The following TMEM260 variants were observed in gnomAD, a reference collection of about 807,000 sequenced individuals.
TMEM260 encodes the protein transmembrane protein 260, also known as protein O-mannosyl-transferase TMEM260.
Under a neutral mutation model 88.9 loss-of-function variants are expected in TMEM260, and 82 were observed. The observed-to-expected ratio is 0.92, with a 90% CI of 0.77 to 1.11. The LOEUF (loss-of-function observed/expected upper bound fraction) is 1.11, where lower values mean the gene tolerates loss of function less well. Among genes scored for constraint, TMEM260 ranks in the 50% least tolerant of loss-of-function variants. The pLI is 0.00. For synonymous variants in TMEM260, 314 were observed against 309.3 expected (o/e 1.02, Z -0.16); for missense variants, 902 against 853.4 (o/e 1.06, Z -0.71).
intron 15 of TMEM260, among the ~76,000 whole-genome samples, chr14:56,642,127 G>GGAATT (rs1191950515): frequency 4.6e-5 from 7 of 152,140 alleles, no homozygotes; most frequent in Admixed American, 3.3e-4. Flanking sequence ...AAGATATCCA[G>GGAATT]GAATTGAACT....
At chr14:56,585,334 TA>T (rs1473321339) in intron 2 of TMEM260, among the ~76,000 whole-genome samples, 1 of 152,132 alleles carries the variant, frequency 6.6e-6, no homozygotes, top group African/African-American at 2.4e-5. Context: ...TAATAAACTT[TA>T]TTATGGTGCA....
chr14:56,607,166 G>A (rs935225065), intron 5 of TMEM260, among the ~76,000 whole-genome samples: 1 of 152,180 alleles, frequency 6.6e-6, no homozygotes, highest in Non-Finnish European at 1.5e-5. Flanking sequence ...ACGAGAAAGA[G>A]GCCCAGATAT....
chr14:56,642,998 C>A (rs1311886115), intron 15 of TMEM260, among the ~76,000 whole-genome samples: 2 of 152,090 alleles, frequency 1.3e-5, no homozygotes, highest in East Asian at 3.9e-4. Flanking sequence ...CAATAACAGG[C>A]TCTGAAATTG....
At chr14:56,621,736 GATGATTTAAAAAC>G in intron 11 of TMEM260, 34 bp downstream of exon 11, 7 of 1,548,998 alleles carry the variant, frequency 4.5e-6, no homozygotes, top group Non-Finnish European at 5.2e-6. Context: ...AGAATATAGC[GATGATTTAAAAAC>G]ATATGTTTTG....
At chr14:56,661,072 A>C in the TMEM260 span, among the ~76,000 whole-genome samples, 6 of 152,368 alleles carry the variant, frequency 3.9e-5, 1 homozygote, top group Middle Eastern at 0.02. Context: ...ACAGACAACC[A>C]TGCTAAAGAA....
the TMEM260 span, among the ~76,000 whole-genome samples, chr14:56,656,735 A>G: frequency 6.6e-6 from 1 of 152,344 alleles, no homozygotes; most frequent in East Asian, 1.9e-4. Context: ...AAATAATTCA[A>G]ATAAATTACA....
At chr14:56,642,645 A>G (rs1594899261) in intron 15 of TMEM260, among the ~76,000 whole-genome samples, 2 of 152,346 alleles carry the variant, frequency 1.3e-5, no homozygotes, top group East Asian at 3.9e-4. Context: ...AGAAGGCAAG[A>G]AATAACTAAG....
intron 4 of TMEM260, among the ~76,000 whole-genome samples, chr14:56,605,329 A>C (rs1447478882): frequency 6.6e-6 from 1 of 152,204 alleles, no homozygotes; most frequent in Non-Finnish European, 1.5e-5. Flanking sequence ...ATTTTCTAAA[A>C]GTTGGTTTGA....
At chr14:56,594,953 A>G (rs1232262523) in intron 3 of TMEM260, among the ~76,000 whole-genome samples, 1 of 152,180 alleles carries the variant, frequency 6.6e-6, no homozygotes, top group Non-Finnish European at 1.5e-5. Flanking sequence ...AGTTATTCCC[A>G]AAAAGAGATT....
chr14:56,602,415 C>T (rs367934157), intron 3 of TMEM260, among the ~76,000 whole-genome samples: 5 of 152,028 alleles, frequency 3.3e-5, no homozygotes, highest in African/African-American at 1.2e-4. Context: ...GAGTGGGATC[C>T]AGTTTATTGG....
At chr14:56,612,322 T>C in intron 7 of TMEM260, 37 bp downstream of exon 7, 1 of 1,541,760 alleles carries the variant, frequency 6.5e-7, no homozygotes, top group Non-Finnish European at 9.0e-7. Context: ...TTAAAATGAA[T>C]TCTCTATTAG....
At chr14:56,639,777 T>TCCCACCCTAATACTGTGCTTTTC in intron 15 of TMEM260, among the ~76,000 whole-genome samples, 1 of 152,254 alleles carries the variant, frequency 6.6e-6, no homozygotes, top group East Asian at 1.9e-4. Context: ...ATCGGGTCAC[T>TCCCACCCTAATACTGTGCTTTTC]CCCACCCTAA....
At position 56,610,315 on chromosome 14, in the gene TMEM260, G is replaced by A. The variant is rs548495009; in HGVS notation, c.816+1030G>A. Among the ~76,000 whole-genome samples, 3 of 151,900 alleles carry A rather than the reference G, an allele frequency of 2.0e-5. No individual in the cohort carries two copies. The South Asian group carries it at 6.3e-4, about 32-fold the overall frequency. Reference sequence around the variant, plus strand: ...GAGTGCAGTGGCGCGATCTCAGCTCGCTGCAAGCTCCGCCTCCCGGGTTCA... The same window carrying A: ...GAGTGCAGTGGCGCGATCTCAGCTCACTGCAAGCTCCGCCTCCCGGGTTCA... On this transcript the variant is annotated intron_variant, in intron 6 of 15. Coordinates refer to ENST00000261556, the MANE Select transcript of TMEM260 (RefSeq NM_017799.4).
At chr14:56,588,894 A>G (rs1344191062) in intron 3 of TMEM260, among the ~76,000 whole-genome samples, 1 of 151,996 alleles carries the variant, frequency 6.6e-6, no homozygotes, top group Non-Finnish European at 1.5e-5. Flanking sequence ...AGGCTATTAA[A>G]GTAAATGATT....
At position 56,621,667 on chromosome 14, in the gene TMEM260, G is replaced by T; in HGVS notation, c.1363G>T (p.Gly455Trp). 3 of 1,612,738 alleles carry T rather than the reference G, an allele frequency of 1.9e-6. No homozygotes were observed. Among genetic ancestry groups the T allele is most frequent in the Non-Finnish European group, 2.5e-6 (3 of 1,179,468 alleles). Residue 455 changes from glycine to tryptophan, a missense_variant, in exon 11 of 16, where the codon GGG becomes TGG. Gly to Trp is a radical substitution (Grantham distance 184). Coordinates refer to ENST00000261556, the MANE Select transcript of TMEM260 (RefSeq NM_017799.4). Reference protein sequence around the residue: ...NSLRYMHYCEGLRPDISLVDQ... With the variant: ...NSLRYMHYCEWLRPDISLVDQ... ...TCTCCGTTACATGCATTACTGTGAG[G>T]GGTTGAGGCCTGACATTTCATTAGT...
intron 3 of TMEM260, among the ~76,000 whole-genome samples, chr14:56,596,381 A>AGAGTGT (rs1555334739): frequency 0.032 from 3,986 of 126,478 alleles, 90 homozygotes; most frequent in South Asian, 0.063. Flanking sequence ...TATATGTGAG[A>AGAGTGT]GTGTGTGTGT....
chr14:56,633,930 T>C (rs1196621647), intron 13 of TMEM260, among the ~76,000 whole-genome samples: 1 of 152,210 alleles, frequency 6.6e-6, no homozygotes, highest in East Asian at 1.9e-4. Context: ...TTTAAAATAC[T>C]GTAAAGGTTT....
chr14:56,639,769 C>T (rs1321312418), intron 15 of TMEM260, among the ~76,000 whole-genome samples: 3 of 152,160 alleles, frequency 2.0e-5, no homozygotes, highest in East Asian at 1.9e-4. Context: ...CCTGGAAAAT[C>T]GGGTCACTCC....
intron 1 of TMEM260, among the ~76,000 whole-genome samples, chr14:56,583,827 A>G (rs1885296047): frequency 6.6e-6 from 1 of 152,194 alleles, no homozygotes; most frequent in Non-Finnish European, 1.5e-5. Flanking sequence ...ACAGTGGGTA[A>G]TAAGATTTGA....
Sources: allele counts gnomAD v4.1 joint callset (sites outside exome capture counted in the v4.1 genomes callset), GRCh38; gene constraint gnomAD v4.1.1; transcripts MANE v1.5; gene names NCBI Gene and HGNC (gene_info 2026-07-23, HGNC 2026-07-21).